DIS3L2: variants seen among roughly 807,000 people sequenced by gnomAD.
DIS3L2 encodes DIS3 like 3'-5' exoribonuclease 2, also known as DIS3-like exonuclease 2.
In DIS3L2, 34 loss-of-function variants were observed where a neutral mutation model predicts 97.5. The observed-to-expected ratio is 0.35, with a 90% CI of 0.27 to 0.46. The LOEUF (loss-of-function observed/expected upper bound fraction) is 0.46, where lower values mean the gene tolerates loss of function less well. DIS3L2 is among the 20% of genes least tolerant of loss of function. The pLI, the probability that DIS3L2 is intolerant of heterozygous loss-of-function variation, is 1.00. For missense variants in DIS3L2, 1,038 were observed against 1,146.0 expected (o/e 0.91, Z 1.36); for synonymous variants, 435 against 445.2 (o/e 0.98, Z 0.29).
chr2:232,082,618 G>C (rs1034381110), intron 5 of DIS3L2, among the ~76,000 whole-genome samples: 1 of 152,158 alleles, frequency 6.6e-6, no homozygotes, highest in African/African-American at 2.4e-5. Flanking sequence ...CACAAAACCA[G>C]TCCCTGGCAC....
intron 9 of DIS3L2, among the ~76,000 whole-genome samples, chr2:232,171,345 A>G (rs1690984679): frequency 6.6e-6 from 1 of 152,144 alleles, no homozygotes; most frequent in Non-Finnish European, 1.5e-5. Context: ...ACATTTTGCA[A>G]CTTTCTGAAC....
intron 9 of DIS3L2, among the ~76,000 whole-genome samples, chr2:232,165,859 TA>T (rs1690790119): frequency 6.6e-6 from 1 of 152,096 alleles, no homozygotes; most frequent in African/African-American, 2.4e-5. Flanking sequence ...TGTATAACTT[TA>T]AAAAATTATA....
chr2:232,013,713 G>A (rs1038135152), intron 1 of DIS3L2, among the ~76,000 whole-genome samples: 22 of 152,184 alleles, frequency 1.4e-4, no homozygotes, highest in African/African-American at 4.8e-4. Context: ...GTGGATAAAA[G>A]CATTTCTGTA....
chr2:232,334,388 C>G lies in DIS3L2; in HGVS notation c.2178C>G (p.Asp726Glu). The change falls in exon 18 of 21, where the codon GAC becomes GAG. Residue 726 changes from aspartate to glutamate, a missense_variant. This residue lies in a region of DIS3L2 where 221 missense variants were observed against 246.9 expected (regional missense o/e 0.90). Transcript: ENST00000325385. The stretch of plus-strand genomic sequence containing the variant: ...TCCCAGGCTATAGGGAGCGACTAGA[C>G]ATGGCGCCCGATACCCTGCAGAAAC... Reference protein sequence around the residue: ...AAALGYRERLDMAPDTLQKQA... With the variant: ...AAALGYRERLEMAPDTLQKQA... 6.2e-7 allele frequency: 1 copy of G among 1,613,660 alleles called. No homozygotes were observed. Among genetic ancestry groups the G allele is most frequent in the Non-Finnish European group, 8.5e-7 (1 of 1,179,988 alleles).
intron 12 of DIS3L2, among the ~76,000 whole-genome samples, chr2:232,251,263 TATATC>T (rs1265484343): frequency 6.6e-6 from 1 of 152,170 alleles, no homozygotes; most frequent in Non-Finnish European, 1.5e-5. Flanking sequence ...AATTATCACT[TATATC>T]TTTAGGGAAT....
At position 232,279,533 on chromosome 2, in the gene DIS3L2, TG is replaced by T. The variant is rs879443455; in HGVS notation, c.1659+16094del. On this transcript the variant is annotated intron_variant, in intron 13 of 20. Coordinates refer to ENST00000325385, the MANE Select transcript of DIS3L2 (RefSeq NM_152383.5). ...TTGTTTGTTTGTTTGTTTGTTTGTT[TG>T]TTTGTTTGTTTTTTGAGATAGTCTT... Among the ~76,000 whole-genome samples the T allele has an allele frequency of 6.9e-3, 1,052 of 151,902 alleles. 6 individuals carry two copies. The highest frequency in any genetic ancestry group is 0.017 in the South Asian group (83 of 4,798).
chr2:232,309,020 A>T (rs1695055663), intron 14 of DIS3L2, among the ~76,000 whole-genome samples: 2 of 152,112 alleles, frequency 1.3e-5, no homozygotes, highest in Admixed American at 6.6e-5. Context: ...GAACAGGGGC[A>T]GGCCCGGGGC....
chr2:232,227,712 A>G (rs548505572), intron 10 of DIS3L2, among the ~76,000 whole-genome samples: 9 of 152,212 alleles, frequency 5.9e-5, no homozygotes, highest in Non-Finnish European at 1.0e-4. Flanking sequence ...GAGAAAAGCC[A>G]CTAAGGGTTT....
At chr2:232,246,581 T>A (rs971521933) in intron 11 of DIS3L2, among the ~76,000 whole-genome samples, 1 of 152,218 alleles carries the variant, frequency 6.6e-6, no homozygotes, top group Non-Finnish European at 1.5e-5. Flanking sequence ...AAAATTTTAC[T>A]AACTTGCCCA....
At chr2:232,023,646 G>A (rs1056380007) in intron 3 of DIS3L2, among the ~76,000 whole-genome samples, 1 of 152,140 alleles carries the variant, frequency 6.6e-6, no homozygotes, top group African/African-American at 2.4e-5. Flanking sequence ...CTGATTTGGT[G>A]CTGGAATAAC....
intron 14 of DIS3L2, among the ~76,000 whole-genome samples, chr2:232,310,294 G>A (rs1253203907): frequency 6.6e-6 from 1 of 152,218 alleles, no homozygotes; most frequent in African/African-American, 2.4e-5. Context: ...GGTGCCAGGC[G>A]TGAGCTCATG....
At chr2:232,286,373 T>C (rs546353390) in intron 13 of DIS3L2, among the ~76,000 whole-genome samples, 6 of 151,768 alleles carry the variant, frequency 4.0e-5, no homozygotes, top group African/African-American at 1.5e-4. Context: ...CTTTGAAGCA[T>C]TGTATCTTCC....
At chr2:232,073,412 T>C (rs1696092457) in intron 5 of DIS3L2, among the ~76,000 whole-genome samples, 1 of 152,222 alleles carries the variant, frequency 6.6e-6, no homozygotes, top group South Asian at 2.1e-4. Context: ...GGAAAATGTC[T>C]GTGGACATGG....
At chr2:232,128,250 C>CAAATAAAATGAG (rs1698122228) in intron 6 of DIS3L2, among the ~76,000 whole-genome samples, 5 of 151,912 alleles carry the variant, frequency 3.3e-5, no homozygotes, top group Non-Finnish European at 7.4e-5. Context: ...GCCAACATGC[C>CAAATAAAATGAG]CACCCTATAA....
chr2:231,989,276 A>C (rs1485742134), intron 1 of DIS3L2, among the ~76,000 whole-genome samples: 1 of 151,802 alleles, frequency 6.6e-6, no homozygotes, highest in East Asian at 1.9e-4. Context: ...TTGTTTGCTA[A>C]ATAGAATATT....
rs774039141 is a variant in DIS3L2 at position 232,015,498 on chromosome 2, T to C, written c.53-16T>C. On this transcript the variant is annotated splice_polypyrimidine_tract_variant and intron_variant, in intron 2 of 20. Transcript: ENST00000325385. The stretch of plus-strand genomic sequence containing the variant: ...GATGTTTGAGGAAAGAGTTGATTGC[T>C]GCCTCCTGTTTCTAGGTGTGTCTGC... 1 of 1,609,888 alleles carries C rather than the reference T, an allele frequency of 6.2e-7. No individual in the cohort carries two copies. The highest frequency in any genetic ancestry group is 8.5e-7 in the Non-Finnish European group (1 of 1,177,908).
intron 9 of DIS3L2, among the ~76,000 whole-genome samples, chr2:232,181,825 G>A (rs1691284388): frequency 4.6e-5 from 7 of 151,752 alleles, no homozygotes; most frequent in Admixed American, 3.9e-4. Context: ...TTGTTTGTTT[G>A]TTTTTTAGTA....
At chr2:232,015,443 G>T (rs1174068833) in intron 2 of DIS3L2, 71 bp from the exon 3 acceptor site, 14 of 1,555,998 alleles carry the variant, frequency 9.0e-6, no homozygotes, top group Non-Finnish European at 5.2e-6. Context: ...TTGTAAAAAG[G>T]TATAATATCT....
At chr2:232,168,698 A>G (rs1430521274) in intron 9 of DIS3L2, among the ~76,000 whole-genome samples, 1 of 152,140 alleles carries the variant, frequency 6.6e-6, no homozygotes, top group Non-Finnish European at 1.5e-5. Context: ...TGACCCACAC[A>G]TAGTGAGGGT....
Sources: allele counts gnomAD v4.1 joint callset (sites outside exome capture counted in the v4.1 genomes callset), GRCh38; gene constraint gnomAD v4.1.1; regional missense constraint gnomAD v4.1.1; transcripts MANE v1.5; gene names NCBI Gene and HGNC (gene_info 2026-07-23, HGNC 2026-07-21).